The following MTERF4 variants were observed in gnomAD, a reference collection of about 807,000 sequenced individuals.
The protein encoded by MTERF4 is mitochondrial transcription termination factor 4.
A neutral mutation model predicts 22.5 loss-of-function variants in MTERF4; 17 were observed. The observed-to-expected ratio is 0.75, with a 90% confidence interval of 0.52 to 1.13. The LOEUF (loss-of-function observed/expected upper bound fraction) is 1.13, where lower values mean the gene tolerates loss of function less well. MTERF4 is among the 50% of genes most tolerant of loss of function. The pLI, the probability that MTERF4 is intolerant of heterozygous loss-of-function variation, is 0.00. For missense variants in MTERF4, 420 were observed against 466.8 expected (o/e 0.90, Z 0.92); for synonymous variants, 165 against 175.3 (o/e 0.94, Z 0.47).
downstream of MTERF4, chr2:241,088,169 C>G (rs1051720946): frequency 1.7e-6 from 1 of 577,580 alleles, no homozygotes; most frequent in African/African-American, 1.9e-5. Context: ...TCCTAAACTA[C>G]TGCCTCAAGC....
the MTERF4 span, among the ~76,000 whole-genome samples, chr2:241,060,982 A>G: frequency 6.6e-6 from 1 of 152,168 alleles, no homozygotes; most frequent in Non-Finnish European, 1.5e-5. Context: ...AATATAGGTA[A>G]ATATATTTTT....
chr2:241,064,234 G>A, the MTERF4 span: 1 of 732,422 alleles, frequency 1.4e-6, no homozygotes, highest in Non-Finnish European at 2.1e-6. This position sits in a 1 kb window ranked among gnomAD's most constrained non-coding sequence, Gnocchi z 7.0. Context: ...CTGCCCGCCT[G>A]CTCCCCGCCC....
the MTERF4 span, chr2:241,065,438 C>T: frequency 5.0e-6 from 8 of 1,613,096 alleles, no homozygotes; most frequent in Non-Finnish European, 4.2e-6. Context: ...CCGACGGCTC[C>T]TACCGCCGCA....
Position 241,097,281 on chromosome 2 carries a change from G to A in MTERF4, c.667C>T (p.Leu223Phe), listed in dbSNP as rs1231000390. 2.5e-6 allele frequency: 4 copies of A among 1,614,020 alleles called. No homozygotes were observed. The highest frequency in any genetic ancestry group is 3.3e-5 in the Admixed American group (2 of 59,994). Residue 223 changes from leucine to phenylalanine, a missense_variant, in exon 3 of 4, where the codon CTT (leucine) becomes TTT (phenylalanine). Coordinates refer to ENST00000391980, the MANE Select transcript of MTERF4 (RefSeq NM_182501.4). ...TKILHSCPSV[L>F]REDLGQLEYK... ...TCCAGTTGACCCAGGTCCTCTCGAA[G>A]AACAGAGGGGCAACTGTGCAAAATC... is the stretch of plus-strand genomic sequence containing the variant.
chr2:241,083,318 A>G (rs1376731585), downstream of MTERF4, among the ~76,000 whole-genome samples: 3 of 152,072 alleles, frequency 2.0e-5, no homozygotes, highest in Non-Finnish European at 4.4e-5. Flanking sequence ...GAGAGTGGTG[A>G]GAGGTGAGGG....
chr2:241,090,129 C>T, downstream of MTERF4: 1 of 1,482,094 alleles, frequency 6.7e-7, no homozygotes, highest in South Asian at 1.4e-5. Flanking sequence ...TTTTTAATAA[C>T]AGCTTAAAAT....
chr2:241,073,752 A>C lies in MTERF4; in HGVS notation n.2410T>G. ...GGAGCAGGCGGAGTCAGGATGGGAG[A>C]AGCAGAGGGAGCAGCCACTGGGCGA... On this transcript the variant is annotated non_coding_transcript_exon_variant, in exon 5 of 5. Coordinates refer to the MTERF4 transcript ENST00000464344. This position sits in a 1 kb window ranked among gnomAD's most constrained non-coding sequence, Gnocchi z 6.6. 1 of 379,436 alleles carries C rather than the reference A, an allele frequency of 2.6e-6. No homozygotes were observed. The highest frequency in any genetic ancestry group is 4.7e-6 in the Non-Finnish European group (1 of 210,636). The allele number at this position is 379,436 out of a possible 1,614,324, so 23.5% of individuals were successfully genotyped here. A position where few individuals can be genotyped will look rare whatever the true frequency, so the allele number is the denominator to read the frequency against.
intron 1 of MTERF4, 200 bp downstream of exon 1, chr2:241,102,053 A>AG: frequency 1.4e-6 from 1 of 698,210 alleles, no homozygotes; most frequent in East Asian, 3.1e-5. Context: ...CTTTGTCTCA[A>AG]AAAAAAAAAA....
downstream of MTERF4, chr2:241,094,655 A>G: frequency 3.1e-6 from 1 of 325,420 alleles, no homozygotes; most frequent in Non-Finnish European, 6.0e-6. This position sits in a 1 kb window ranked among gnomAD's most constrained non-coding sequence, Gnocchi z 4.3. Context: ...GCCTTAGATG[A>G]GTTTCTCAGG....
downstream of MTERF4, chr2:241,072,124 C>T (rs986395543): frequency 4.3e-6 from 3 of 696,770 alleles, no homozygotes; most frequent in Non-Finnish European, 2.6e-6. Flanking sequence ...GCGCAGGCTG[C>T]TGGTAGGGCA....
downstream of MTERF4, chr2:241,094,793 G>C (rs1039932193): frequency 6.5e-5 from 11 of 170,064 alleles, no homozygotes; most frequent in Admixed American, 4.6e-4. The surrounding 1 kb of genome is among the most constrained non-coding windows in gnomAD (Gnocchi z 4.3). Context: ...CTAGGATCTA[G>C]TTGATCCTAG....
the MTERF4 span, among the ~76,000 whole-genome samples, chr2:241,060,475 C>T: frequency 6.6e-6 from 1 of 152,142 alleles, no homozygotes; most frequent in Non-Finnish European, 1.5e-5. Flanking sequence ...AGCCACCATG[C>T]CCGTCCCTAA....
intron 1 of MTERF4, 153 bp downstream of exon 1, chr2:241,102,100 A>T: frequency 1.0e-6 from 1 of 972,928 alleles, no homozygotes; most frequent in South Asian, 1.4e-5. Context: ...GAGCAGAGCC[A>T]CGGGTCCAGG....
At chr2:241,102,220 C>G (rs2064745671) in intron 1 of MTERF4, 33 bp downstream of exon 1, 1 of 1,548,012 alleles carries the variant, frequency 6.5e-7, no homozygotes, top group African/African-American at 1.4e-5. Context: ...CGCCTGCGAC[C>G]CGGAGAAGCC....
At chr2:241,100,636 A>G (rs1035250314) in intron 1 of MTERF4, among the ~76,000 whole-genome samples, 2 of 151,830 alleles carry the variant, frequency 1.3e-5, no homozygotes, top group Non-Finnish European at 2.9e-5. Flanking sequence ...TAATTTTTGT[A>G]TTTTTTGTAG....
rs577339719 is a variant in MTERF4 at position 241,081,043 on chromosome 2, C to G, written n.480-5361G>C. On this transcript the variant is annotated intron_variant and non_coding_transcript_variant, in intron 4 of 4. Coordinates refer to the MTERF4 transcript ENST00000464344. ...GGGACTTTTTTCTGGGTTGGTCAGG[C>G]TGCCAGCACTGGACCAGTGACCAGT... Among the ~76,000 whole-genome samples, 116 of 152,344 alleles carry G rather than the reference C, an allele frequency of 7.6e-4. 1 individual carries two copies. Among genetic ancestry groups the G allele is most frequent in the African/African-American group, 2.8e-3 (115 of 41,568 alleles).
chr2:241,057,404 T>TAG, the MTERF4 span, among the ~76,000 whole-genome samples: 1 of 144,376 alleles, frequency 6.9e-6, no homozygotes, highest in Non-Finnish European at 1.5e-5. Flanking sequence ...TATATATATA[T>TAG]ATATATATGC....
downstream of MTERF4, chr2:241,090,087 T>C (rs1296159783): frequency 2.7e-6 from 4 of 1,508,096 alleles, no homozygotes; most frequent in Non-Finnish European, 1.8e-6. Context: ...ACTTTTTTAC[T>C]TTATACATTT....
chr2:241,051,797 G>A, the MTERF4 span: 1 of 1,560,692 alleles, frequency 6.4e-7, no homozygotes, highest in South Asian at 1.2e-5. The surrounding 1 kb of genome is among the most constrained non-coding windows in gnomAD (Gnocchi z 4.7). Flanking sequence ...CACGTGCAAG[G>A]AGGCGGGCGG....
Sources: allele counts gnomAD v4.1 joint callset (sites outside exome capture counted in the v4.1 genomes callset), GRCh38; gene constraint gnomAD v4.1.1; non-coding constraint Gnocchi (gnomAD v3.1); transcripts MANE v1.5; gene names NCBI Gene and HGNC (gene_info 2026-07-23, HGNC 2026-07-21).